Variants in SLC24A3 observed in about 807,000 individuals in gnomAD.
The protein encoded by SLC24A3 is sodium/potassium/calcium exchanger 3.
A neutral mutation model predicts 75.8 loss-of-function variants in SLC24A3; 28 were observed. The ratio of observed to expected loss-of-function variants is 0.37; its 90% CI spans 0.27 to 0.51. The LOEUF is 0.51. Ranked by LOEUF, SLC24A3 falls within the 20% of genes least tolerant of loss-of-function variation. SLC24A3 has a pLI of 0.94. For missense variants in SLC24A3, 663 were observed against 847.8 expected, an observed-to-expected ratio of 0.78 and a Z score of 2.71; for synonymous variants, 372 against 334.1, an observed-to-expected ratio of 1.11 and a Z score of -1.24.
chr20:19,485,509 G>C (rs1401776019), intron 2 of SLC24A3, among the ~76,000 whole-genome samples: 1 of 152,190 alleles, frequency 6.6e-6, no homozygotes, highest in Non-Finnish European at 1.5e-5. Context: ...GAGTATCCTG[G>C]TTGTATCTGG....
At chr20:19,248,408 C>G (rs1166769774) in intron 1 of SLC24A3, among the ~76,000 whole-genome samples, 2 of 152,062 alleles carry the variant, frequency 1.3e-5, no homozygotes, top group East Asian at 3.8e-4. Flanking sequence ...CATTTTTTCT[C>G]AAATCTTTAA....
chr20:19,448,785 G>C (rs983936541), intron 2 of SLC24A3, among the ~76,000 whole-genome samples: 1 of 152,200 alleles, frequency 6.6e-6, no homozygotes, highest in African/African-American at 2.4e-5. Context: ...AATGGTCAAA[G>C]AGTCAATGAG....
In SLC24A3 at chr20:19,346,332, G is replaced by GTA. The variant is rs371884638; in HGVS notation, c.271+65255_271+65256dup. 2.3e-3 allele frequency among the ~76,000 whole-genome samples: 117 copies of GTA among 49,800 alleles called. 9 individuals are homozygous for GTA. The highest frequency in any genetic ancestry group is 9.5e-3 in the African/African-American group (91 of 9,606). 32.7% of individuals were successfully genotyped at this position (49,800 alleles called of 152,430 possible). ...TATATATATGGTATATATATATGGTGTATATATATATGGTATATATATGGT... is the reference window on the plus strand; with the variant it reads ...TATATATATGGTATATATATATGGTGTATATATATATATGGTATATATATGGT... On this transcript the variant is annotated intron_variant, in intron 2 of 16. Coordinates refer to ENST00000328041, the MANE Select transcript of SLC24A3 (RefSeq NM_020689.4).
intron 6 of SLC24A3, among the ~76,000 whole-genome samples, chr20:19,603,507 G>A (rs780659187): frequency 5.3e-5 from 8 of 152,142 alleles, no homozygotes; most frequent in Non-Finnish European, 1.2e-4. Flanking sequence ...TAAATAGTCC[G>A]GAATGACTTC....
chr20:19,556,794 T>C (rs1232981168), intron 3 of SLC24A3, among the ~76,000 whole-genome samples: 1 of 152,054 alleles, frequency 6.6e-6, no homozygotes, highest in East Asian at 1.9e-4. Context: ...AAACCCAAAG[T>C]AAGAGAGAAA....
chr20:19,668,390 T>TA (rs1316755440), intron 8 of SLC24A3, among the ~76,000 whole-genome samples: 1 of 152,224 alleles, frequency 6.6e-6, no homozygotes, highest in Non-Finnish European at 1.5e-5. Context: ...TTTCTCTCTT[T>TA]AAAATCAGAG....
At chr20:19,238,386 C>T (rs1207904931) in intron 1 of SLC24A3, among the ~76,000 whole-genome samples, 1 of 152,250 alleles carries the variant, frequency 6.6e-6, no homozygotes, top group East Asian at 1.9e-4. Context: ...GTGATTTCCA[C>T]TGTTCATCTA....
chr20:19,478,067 G>A (rs1987991112), intron 2 of SLC24A3, among the ~76,000 whole-genome samples: 1 of 152,180 alleles, frequency 6.6e-6, no homozygotes, highest in Non-Finnish European at 1.5e-5. Flanking sequence ...CTCATTTATT[G>A]CCATCTGTCA....
At chr20:19,477,166 A>G (rs575923594) in intron 2 of SLC24A3, among the ~76,000 whole-genome samples, 61 of 152,212 alleles carry the variant, frequency 4.0e-4, no homozygotes, top group African/African-American at 1.4e-3. Context: ...TAATGGATCC[A>G]GCAGGTGGAA....
At chr20:19,321,846 A>G (rs1282793905) in intron 2 of SLC24A3, among the ~76,000 whole-genome samples, 4 of 152,216 alleles carry the variant, frequency 2.6e-5, no homozygotes, top group Admixed American at 2.0e-4. Context: ...TTTTAAATCT[A>G]GAATCTAGCC....
intron 2 of SLC24A3, among the ~76,000 whole-genome samples, chr20:19,455,595 G>A (rs1048825172): frequency 3.3e-5 from 5 of 152,222 alleles, no homozygotes; most frequent in Non-Finnish European, 5.9e-5. Context: ...AGAGATAAGA[G>A]TATAGTAGAT....
chr20:19,640,378 A>G (rs979050762), intron 6 of SLC24A3, among the ~76,000 whole-genome samples: 1 of 152,236 alleles, frequency 6.6e-6, no homozygotes, highest in African/African-American at 2.4e-5. Flanking sequence ...GGGTGAGGCA[A>G]GGAGGGGCCA....
At chr20:19,470,696 C>G (rs1007393402) in intron 2 of SLC24A3, among the ~76,000 whole-genome samples, 5 of 152,144 alleles carry the variant, frequency 3.3e-5, no homozygotes, top group African/African-American at 9.7e-5. Context: ...AAGACTTTGA[C>G]CCACTCATTT....
chr20:19,521,736 G>A (rs958103735), intron 3 of SLC24A3, among the ~76,000 whole-genome samples: 2 of 152,006 alleles, frequency 1.3e-5, no homozygotes, highest in Non-Finnish European at 2.9e-5. Flanking sequence ...TATTTCCCTG[G>A]GTGCACTCCC....
At chr20:19,706,130 C>A (rs951211444) in intron 15 of SLC24A3, among the ~76,000 whole-genome samples, 4 of 152,148 alleles carry the variant, frequency 2.6e-5, no homozygotes, top group African/African-American at 7.2e-5. Flanking sequence ...CCACCAGAGT[C>A]CAGAAACAAC....
Position 19,652,721 on chromosome 20 carries a change from T to G in SLC24A3, c.613-1341T>G, listed in dbSNP as rs865961219. ...TCCTATTTAAGTCATGCCTTTCATG[T>G]TATTTGCATCCAGAAAACCTCTAGT... On this transcript the variant is annotated intron_variant, in intron 6 of 16. Coordinates refer to ENST00000328041, the MANE Select transcript of SLC24A3 (RefSeq NM_020689.4). 2.0e-5 allele frequency among the ~76,000 whole-genome samples: 3 copies of G among 152,334 alleles called. No homozygotes were observed. The South Asian group carries it at 6.2e-4, about 32-fold the overall frequency.
intron 3 of SLC24A3, among the ~76,000 whole-genome samples, chr20:19,526,261 A>G (rs943515213): frequency 6.6e-6 from 1 of 152,136 alleles, no homozygotes; most frequent in Non-Finnish European, 1.5e-5. Context: ...TGGCCCTCCC[A>G]CCACTTCCCA....
chr20:19,330,690 A>G (rs977730594), intron 2 of SLC24A3, among the ~76,000 whole-genome samples: 3 of 152,224 alleles, frequency 2.0e-5, no homozygotes, highest in Non-Finnish European at 2.9e-5. Context: ...TGTAACTATC[A>G]CAGTAAAGAT....
chr20:19,717,724 C>T, intron 16 of SLC24A3, 131 bp downstream of exon 16: 1 of 952,926 alleles, frequency 1.0e-6, no homozygotes, highest in Non-Finnish European at 1.6e-6. Context: ...TCTCCTGGCT[C>T]TTTCTTCTAG....
Sources: gnomAD v4.1 joint callset for allele counts (sites outside exome capture counted in the v4.1 genomes callset) on GRCh38, gnomAD v4.1.1 for gene constraint, MANE v1.5 for transcripts, NCBI Gene and HGNC (gene_info 2026-07-23, HGNC 2026-07-21) for gene names.